RAB3IL1: variants seen among roughly 807,000 people sequenced by gnomAD.
RAB3IL1 encodes the protein guanine nucleotide exchange factor for Rab-3A.
A neutral mutation model predicts 49.2 loss-of-function variants in RAB3IL1; 37 were observed. The observed-to-expected ratio is 0.75, with a 90% CI of 0.58 to 0.99. The LOEUF (loss-of-function observed/expected upper bound fraction) is 0.99. RAB3IL1 is among the 50% of genes least tolerant of loss of function. RAB3IL1 has a pLI of 0.00. For synonymous variants in RAB3IL1, 193 were observed against 213.9 expected, an observed-to-expected ratio of 0.90 and a Z score of 0.85; for missense variants, 484 against 513.0, an observed-to-expected ratio of 0.94 and a Z score of 0.55.
upstream of RAB3IL1, among the ~76,000 whole-genome samples, chr11:61,918,485 T>C (rs1327133689): frequency 6.6e-6 from 1 of 152,240 alleles, no homozygotes; most frequent in Non-Finnish European, 1.5e-5. Context: ...GATCTTCGTT[T>C]GAGGATACAT....
At chr11:61,900,443 G>A (rs1363290962) in intron 8 of RAB3IL1, among the ~76,000 whole-genome samples, 2 of 152,346 alleles carry the variant, frequency 1.3e-5, no homozygotes, top group African/African-American at 4.8e-5. Flanking sequence ...GGGGAGGGGC[G>A]GGACGGTGGT....
chr11:61,928,092 A>G, the RAB3IL1 span, among the ~76,000 whole-genome samples: 1 of 152,002 alleles, frequency 6.6e-6, no homozygotes, highest in Admixed American at 6.6e-5. Flanking sequence ...ATAAGTGTGG[A>G]ATGGCTTGGA....
At chr11:61,907,731 C>G in intron 2 of RAB3IL1, 71 bp from the exon 3 acceptor site, 1 of 1,374,698 alleles carries the variant, frequency 7.3e-7, no homozygotes, top group Non-Finnish European at 1.0e-6. Flanking sequence ...ACCAGGCCCA[C>G]CGGACCAGGT....
chr11:61,941,644 C>T, the RAB3IL1 span, among the ~76,000 whole-genome samples: 7 of 152,030 alleles, frequency 4.6e-5, no homozygotes, highest in South Asian at 4.2e-4. Context: ...CCCAGCTACT[C>T]GGGAAGCTGA....
At chr11:61,934,426 ATGTG>A in the RAB3IL1 span, among the ~76,000 whole-genome samples, 4 of 41,826 alleles carry the variant, frequency 9.6e-5, no homozygotes, top group South Asian at 6.5e-4. Context: ...ATATATGTGT[ATGTG>A]TGTGTGTGTG....
Position 61,904,665 on chromosome 11 carries a change from C to A in RAB3IL1, c.787-7G>T, listed in dbSNP as rs1056828649. On this transcript the variant is annotated splice_region_variant and splice_polypyrimidine_tract_variant and intron_variant, in intron 6 of 9. Coordinates refer to ENST00000394836, the MANE Select transcript of RAB3IL1 (RefSeq NM_013401.4). ...CCCGTACCAGCACCGAGAGCTGTGG[C>A]AGACCAGGGAGGCAGGCAGGGTGGT... The A allele has an allele frequency of 6.2e-7, 1 of 1,608,186 alleles. No individual in the cohort carries two copies.
the RAB3IL1 span, among the ~76,000 whole-genome samples, chr11:61,929,456 G>A: frequency 1.3e-4 from 20 of 151,844 alleles, no homozygotes; most frequent in Admixed American, 3.3e-4. Context: ...GTGAGCTGCC[G>A]AGATCGCACC....
At chr11:61,910,336 G>A (rs184109132) in intron 1 of RAB3IL1, among the ~76,000 whole-genome samples, 5 of 152,338 alleles carry the variant, frequency 3.3e-5, no homozygotes, top group African/African-American at 7.2e-5. Context: ...ATTCTGGCCC[G>A]AACTGGCTTC....
At chr11:61,929,610 A>G in the RAB3IL1 span, among the ~76,000 whole-genome samples, 1 of 149,880 alleles carries the variant, frequency 6.7e-6, no homozygotes, top group Non-Finnish European at 1.5e-5. Context: ...TTTTTGAGAC[A>G]GAGTCTTGCT....
Position 61,898,235 on chromosome 11 carries a change from G to T in RAB3IL1, c.*43C>A, listed in dbSNP as rs1240668555. 1.3e-6 allele frequency: 2 copies of T among 1,577,496 alleles called. No homozygotes were observed. Among genetic ancestry groups the T allele is most frequent in the Admixed American group, 3.3e-5 (2 of 59,788 alleles). On this transcript the variant is annotated 3_prime_UTR_variant, in exon 10 of 10. Coordinates refer to ENST00000394836, the MANE Select transcript of RAB3IL1 (RefSeq NM_013401.4). This position sits in a 1 kb window ranked among gnomAD's most constrained non-coding sequence, Gnocchi z 5.1. ...TGTGTCGGCTTGTTCTGGGGTGGGT[G>T]TTTGCTCTGTCTCAGAGCTCCCCTT...
At chr11:61,904,140 C>T (rs1939055601) in intron 7 of RAB3IL1, among the ~76,000 whole-genome samples, 1 of 151,982 alleles carries the variant, frequency 6.6e-6, no homozygotes. Flanking sequence ...TCTTGGCTGC[C>T]AAGGTGAAAT....
the RAB3IL1 span, among the ~76,000 whole-genome samples, chr11:61,944,272 C>CTTCCTTCCTTCCTTCCTTCCTTCCT: frequency 1.4e-4 from 2 of 14,678 alleles, no homozygotes; most frequent in East Asian, 5.1e-4. Flanking sequence ...CCTTCCTTCC[C>CTTCCTTCCTTCCTTCCTTCCTTCCT]TCCTTTGTTG....
At position 61,906,859 on chromosome 11, in the gene RAB3IL1, G is replaced by C. The variant is rs549288457; in HGVS notation, c.439-175C>G. Among the ~76,000 whole-genome samples, 1 of 152,314 alleles carries C rather than the reference G, an allele frequency of 6.6e-6. No homozygotes were observed. Among genetic ancestry groups the C allele is most frequent in the South Asian group, 2.1e-4 (1 of 4,826 alleles). ...GACCCAGACACTCGTTTTACACATA[G>C]GGAAACTGAGGCTCACAGAGGCGAC... On this transcript the variant is annotated intron_variant, in intron 4 of 9. Coordinates refer to ENST00000394836, the MANE Select transcript of RAB3IL1 (RefSeq NM_013401.4). This position sits in a 1 kb window ranked among gnomAD's most constrained non-coding sequence, Gnocchi z 4.6.
At position 61,906,228 on chromosome 11, in the gene RAB3IL1, G is replaced by A. The variant is rs1591224652; in HGVS notation, c.657+238C>T. 6.6e-6 allele frequency among the ~76,000 whole-genome samples: 1 copy of A among 152,168 alleles called. No individual in the cohort carries two copies. The highest frequency in any genetic ancestry group is 6.5e-5 in the Admixed American group (1 of 15,286). ...CCACTACCTACTGCTTGGAGTCAGT[G>A]GGGCAGGGAGGGGGCCTCAGGTCCC... On this transcript the variant is annotated intron_variant, in intron 5 of 9. Transcript: ENST00000394836. This position sits in a 1 kb window ranked among gnomAD's most constrained non-coding sequence, Gnocchi z 4.6.
At chr11:61,924,505 C>G (rs1029179369), upstream of RAB3IL1, among the ~76,000 whole-genome samples, 3 of 152,072 alleles carry the variant, frequency 2.0e-5, no homozygotes, top group Non-Finnish European at 4.4e-5. Flanking sequence ...CAGAGCTCCC[C>G]CAGTTCTCCA....
At chr11:61,907,913 A>G (rs1350034153) in intron 2 of RAB3IL1, 141 bp downstream of exon 2, 14 of 1,326,314 alleles carry the variant, frequency 1.1e-5, no homozygotes, top group Admixed American at 2.2e-5. Context: ...TGCGCCCAGT[A>G]CAGGCCTGGC....
the RAB3IL1 span, among the ~76,000 whole-genome samples, chr11:61,935,962 TA>T: frequency 1.5e-4 from 22 of 147,676 alleles, no homozygotes; most frequent in African/African-American, 4.5e-4. Context: ...GAGGAACATT[TA>T]AAAAAAAAAG....
At chr11:61,945,958 G>C in the RAB3IL1 span, among the ~76,000 whole-genome samples, 6 of 152,192 alleles carry the variant, frequency 3.9e-5, no homozygotes, top group African/African-American at 1.4e-4. Flanking sequence ...TCGTCTTTCT[G>C]TGGTGCCCAG....
chr11:61,928,409 G>A, the RAB3IL1 span, among the ~76,000 whole-genome samples: 1 of 151,762 alleles, frequency 6.6e-6, no homozygotes, highest in Admixed American at 6.6e-5. Flanking sequence ...CAAAATATAT[G>A]GAGCTAGGAC....
Sources: gnomAD v4.1 joint callset for allele counts (sites outside exome capture counted in the v4.1 genomes callset) on GRCh38, gnomAD v4.1.1 for gene constraint, Gnocchi (gnomAD v3.1) non-coding constraint, MANE v1.5 for transcripts, NCBI Gene and HGNC (gene_info 2026-07-23, HGNC 2026-07-21) for gene names.